Variants in RNF121 observed in about 807,000 individuals in gnomAD.
RNF121 encodes the protein E3 ubiquitin ligase RNF121.
In RNF121, 21 loss-of-function variants were observed where a neutral mutation model predicts 46.5. The ratio of observed to expected loss-of-function variants is 0.45; its 90% CI spans 0.32 to 0.65. The LOEUF (loss-of-function observed/expected upper bound fraction) is 0.65, where lower values mean the gene tolerates loss of function less well. Ranked by LOEUF, RNF121 falls within the 30% of genes least tolerant of loss-of-function variation. The pLI is 0.04. For missense variants in RNF121, 346 were observed against 416.0 expected, an observed-to-expected ratio of 0.83 and a Z score of 1.46; for synonymous variants, 139 against 144.7, an observed-to-expected ratio of 0.96 and a Z score of 0.28.
chr11:71,959,454 G>C (rs778082363), intron 2 of RNF121, among the ~76,000 whole-genome samples: 2 of 152,100 alleles, frequency 1.3e-5, no homozygotes, highest in Non-Finnish European at 2.9e-5. Context: ...ATTCCATGAA[G>C]ACACTATTTA....
intron 1 of RNF121, among the ~76,000 whole-genome samples, chr11:71,934,997 A>G (rs1427530487): frequency 6.9e-6 from 1 of 145,938 alleles, no homozygotes; most frequent in Admixed American, 7.0e-5. Context: ...GCTGGAGTAC[A>G]GTAGAGTGAT....
chr11:71,988,881 C>T (rs545467297), intron 5 of RNF121, among the ~76,000 whole-genome samples: 1 of 152,142 alleles, frequency 6.6e-6, no homozygotes, highest in East Asian at 1.9e-4. Context: ...TCATGAAATT[C>T]TTTCTTCTAG....
chr11:71,991,773 C>T (rs746306784), intron 6 of RNF121, among the ~76,000 whole-genome samples: 10 of 152,012 alleles, frequency 6.6e-5, no homozygotes, highest in Admixed American at 2.0e-4. Flanking sequence ...GAAGTAGTGA[C>T]TAGACTAGAA....
At chr11:71,955,286 A>G (rs925113341) in intron 1 of RNF121, among the ~76,000 whole-genome samples, 4 of 152,174 alleles carry the variant, frequency 2.6e-5, no homozygotes, top group Non-Finnish European at 4.4e-5. Context: ...AGACTGAATG[A>G]CTAACATAGA....
intron 1 of RNF121, among the ~76,000 whole-genome samples, chr11:71,935,234 T>G (rs952990597): frequency 6.6e-6 from 1 of 152,192 alleles, no homozygotes; most frequent in Non-Finnish European, 1.5e-5. Flanking sequence ...CGCCCAGCCC[T>G]TAGATTCATT....
chr11:71,983,572 C>T (rs1173828216), intron 4 of RNF121: 2 of 152,224 alleles, frequency 1.3e-5, no homozygotes, highest in Non-Finnish European at 2.9e-5. Context: ...ATCCTCCCCA[C>T]CAGCTTGTGA....
rs994666858 is a variant in RNF121, at chr11:71,990,916, G to T, written c.627+199G>T. On this transcript the variant is annotated intron_variant, in intron 6 of 8. Transcript: ENST00000361756. ...CATAAAAAAAGATAAAACCATGTGCGTTGCAGCAACATGCCAGCTGGAGGC... is the reference window on the plus strand; with the variant it reads ...CATAAAAAAAGATAAAACCATGTGCTTTGCAGCAACATGCCAGCTGGAGGC... 6.2e-6 allele frequency: 4 copies of T among 640,158 alleles called. No homozygotes were observed. In the South Asian group the frequency reaches 8.9e-5, roughly 14 times the overall value. The allele number at this position is 640,158 out of a possible 1,614,324, so 39.7% of individuals were successfully genotyped here. A position where few individuals can be genotyped will look rare whatever the true frequency, so the allele number is the denominator to read the frequency against.
intron 1 of RNF121, among the ~76,000 whole-genome samples, chr11:71,936,012 T>C (rs1214330068): frequency 6.6e-6 from 1 of 151,770 alleles, no homozygotes; most frequent in Non-Finnish European, 1.5e-5. Context: ...CACGCCCGGC[T>C]ACTTTTTTGT....
intron 2 of RNF121, among the ~76,000 whole-genome samples, chr11:71,957,822 T>C (rs1288731321): frequency 6.6e-6 from 1 of 152,220 alleles, no homozygotes; most frequent in African/African-American, 2.4e-5. Context: ...TATCTTATGA[T>C]GATTGCTCAT....
intron 4 of RNF121, among the ~76,000 whole-genome samples, chr11:71,983,326 A>G (rs192540919): frequency 2.6e-4 from 39 of 152,254 alleles, no homozygotes; most frequent in South Asian, 2.3e-3. Context: ...TTGAGTATCT[A>G]TCTCCCTCAC....
intron 3 of RNF121, among the ~76,000 whole-genome samples, chr11:71,974,199 C>G (rs528413283): frequency 5.2e-4 from 79 of 152,304 alleles, no homozygotes; most frequent in African/African-American, 1.7e-3. Flanking sequence ...CCTCGGCCTC[C>G]CAAAGTGCTG....
rs199763160 is a variant in RNF121 at position 71,960,709 on chromosome 11, A to C, written c.102-41A>C. ...GAAAGCACTGTCCCTTTATCACTAC[A>C]GCATCCCTGACTTGATTCACCCCAT... On this transcript the variant is annotated intron_variant, in intron 2 of 8. Transcript: ENST00000361756. 2.0e-4 allele frequency: 312 copies of C among 1,596,770 alleles called. 1 individual carries two copies. In the African/African-American group the frequency reaches 3.8e-3, roughly 20 times the overall value.
Position 71,957,098 on chromosome 11 carries a change from C to G in RNF121, c.64-129C>G, listed in dbSNP as rs559144978. The G allele has an allele frequency of 3.4e-4, 257 of 763,370 alleles. 1 individual carries two copies. Among genetic ancestry groups the G allele is most frequent in the South Asian group, 4.2e-4 (30 of 70,662 alleles). 47.3% of individuals were successfully genotyped at this position (763,370 alleles called of 1,614,324 possible). A position where few individuals can be genotyped will look rare whatever the true frequency, so the allele number is the denominator to read the frequency against. ...GTGTGAAATAGAATGGTTGGTAAGG[C>G]TTCATAGAGATACTAAGACTTGAAG... On this transcript the variant is annotated intron_variant, in intron 1 of 8. Transcript: ENST00000361756.
chr11:71,953,432 G>A (rs1352112948), intron 1 of RNF121, among the ~76,000 whole-genome samples: 2 of 152,242 alleles, frequency 1.3e-5, no homozygotes, highest in Non-Finnish European at 2.9e-5. Flanking sequence ...GCGTATGGCT[G>A]TAGATGCAAT....
At chr11:71,966,287 G>A (rs1400956007) in intron 3 of RNF121, among the ~76,000 whole-genome samples, 1 of 152,142 alleles carries the variant, frequency 6.6e-6, no homozygotes, top group East Asian at 1.9e-4. Context: ...CCAAAATGCT[G>A]GGATTACAAG....
chr11:71,961,069 C>T (rs1954120045), intron 3 of RNF121, among the ~76,000 whole-genome samples, 178 bp downstream of exon 3: 1 of 152,062 alleles, frequency 6.6e-6, no homozygotes, highest in Admixed American at 6.5e-5. Flanking sequence ...TCAGGTGATT[C>T]AGAGGGTGAA....
chr11:71,954,363 A>G (rs1249119745), intron 1 of RNF121, among the ~76,000 whole-genome samples: 4 of 152,182 alleles, frequency 2.6e-5, no homozygotes, highest in African/African-American at 9.7e-5. Flanking sequence ...GTAGTACTCC[A>G]TGAAGTGCTA....
chr11:71,982,722 G>T (rs1229841841), intron 3 of RNF121, 39 bp from the exon 4 acceptor site: 3 of 1,572,186 alleles, frequency 1.9e-6, no homozygotes, highest in Non-Finnish European at 2.6e-6. Context: ...GCTGCAGAGG[G>T]AGCTGGCCAG....
chr11:71,930,552 G>A (rs930818909), intron 1 of RNF121, among the ~76,000 whole-genome samples: 43 of 152,268 alleles, frequency 2.8e-4, no homozygotes, highest in African/African-American at 9.9e-4. Context: ...AGAGACTACA[G>A]GTGTTTGGAT....
Sources: gnomAD v4.1 joint callset for allele counts (sites outside exome capture counted in the v4.1 genomes callset) on GRCh38, gnomAD v4.1.1 for gene constraint, MANE v1.5 for transcripts, NCBI Gene and HGNC (gene_info 2026-07-23, HGNC 2026-07-21) for gene names.